CAMTA1: variants seen among roughly 807,000 people sequenced by gnomAD.
CAMTA1 encodes the protein calmodulin binding transcription activator 1.
Under a neutral mutation model 170.9 loss-of-function variants are expected in CAMTA1, and 27 were observed. That is an observed-to-expected ratio of 0.16 (90% confidence interval 0.12 to 0.22). The LOEUF is 0.22. Among genes scored for constraint, CAMTA1 ranks in the 10% least tolerant of loss-of-function variants. The probability of loss-of-function intolerance (pLI) is 1.00; values close to 1 mark genes in which losing one functional copy is unlikely to be tolerated. For synonymous variants in CAMTA1, 833 were observed against 891.5 expected, an observed-to-expected ratio of 0.93 and a Z score of 1.17; for missense variants, 1,619 against 2,217.2, an observed-to-expected ratio of 0.73 and a Z score of 5.42.
intron 3 of CAMTA1, among the ~76,000 whole-genome samples, chr1:6,976,969 T>C (rs1693546189): frequency 6.6e-6 from 1 of 152,222 alleles, no homozygotes; most frequent in South Asian, 2.1e-4. Context: ...CCTGCTGCCA[T>C]GTAAGACATG....
chr1:7,066,926 A>G (rs1365913413), intron 3 of CAMTA1, among the ~76,000 whole-genome samples: 1 of 152,230 alleles, frequency 6.6e-6, no homozygotes, highest in Non-Finnish European at 1.5e-5. Flanking sequence ...GCTATTTTAC[A>G]TTGGCTTGAT....
intron 3 of CAMTA1, among the ~76,000 whole-genome samples, chr1:6,895,613 G>C (rs1246181840): frequency 6.6e-6 from 1 of 152,218 alleles, no homozygotes; most frequent in Non-Finnish European, 1.5e-5. Context: ...TTCCTACCAG[G>C]TGCCTCTTCC....
Position 6,871,947 on chromosome 1 carries a change from C to T in CAMTA1, c.234+46737C>T, listed in dbSNP as rs1469323024. 5 of 1,291,910 alleles carry T rather than the reference C, an allele frequency of 3.9e-6. No individual in the cohort carries two copies. The African/African-American group carries it at 4.6e-5, about 12-fold the overall frequency. The allele number at this position is 1,291,910 out of a possible 1,614,324, so 80.0% of individuals were successfully genotyped here. ...ACGCTGATTTCCTCAAATAGAGATA[C>T]CCCTTTGAGTGATAAATTTGCAAAA... On this transcript the variant is annotated intron_variant, in intron 3 of 22. Coordinates refer to ENST00000303635, the MANE Select transcript of CAMTA1 (RefSeq NM_015215.4).
At chr1:7,047,509 T>C (rs1231929714) in intron 3 of CAMTA1, among the ~76,000 whole-genome samples, 3 of 152,146 alleles carry the variant, frequency 2.0e-5, no homozygotes, top group Admixed American at 6.5e-5. Context: ...CGCTTACCTT[T>C]CTTTCTCTCT....
intron 3 of CAMTA1, among the ~76,000 whole-genome samples, chr1:6,985,489 T>C (rs1323856887): frequency 3.3e-5 from 5 of 152,280 alleles, no homozygotes; most frequent in Non-Finnish European, 5.9e-5. Context: ...AACCATTATA[T>C]CACCCTACTT....
In CAMTA1 at chr1:7,642,778, C is replaced by A. The variant is rs1203077496; in HGVS notation, c.664+2225C>A. Among the ~76,000 whole-genome samples, 1 of 152,130 alleles carries A rather than the reference C, an allele frequency of 6.6e-6. No individual in the cohort carries two copies. Among genetic ancestry groups the A allele is most frequent in the Non-Finnish European group, 1.5e-5 (1 of 68,020 alleles). On this transcript the variant is annotated intron_variant, in intron 7 of 22. Coordinates refer to ENST00000303635, the MANE Select transcript of CAMTA1 (RefSeq NM_015215.4). The surrounding 1 kb of genome is among the most constrained non-coding windows in gnomAD (Gnocchi z 6.3). The stretch of plus-strand genomic sequence containing the variant: ...GCCCCACCCTCTCTGCACCCCAGTA[C>A]CCCTTCTATAAAGGGGTAGCAAGAA...
chr1:7,181,627 A>G (rs984233841), intron 4 of CAMTA1, among the ~76,000 whole-genome samples: 2 of 152,212 alleles, frequency 1.3e-5, no homozygotes, highest in Admixed American at 6.5e-5. Flanking sequence ...AATAGCAACA[A>G]AGAAGATACT....
chr1:6,911,662 C>T (rs910838009), intron 3 of CAMTA1, among the ~76,000 whole-genome samples: 3 of 152,294 alleles, frequency 2.0e-5, no homozygotes, highest in East Asian at 1.9e-4. Flanking sequence ...CCAGATCCAC[C>T]CCTCCCTTTA....
At chr1:7,047,902 GT>G (rs1705668108) in intron 3 of CAMTA1, among the ~76,000 whole-genome samples, 1 of 152,090 alleles carries the variant, frequency 6.6e-6, no homozygotes. Flanking sequence ...GGTGGGTTCT[GT>G]ATAAACCCTG....
Position 7,732,770 on chromosome 1 carries a change from G to A in CAMTA1, c.3066+171G>A, listed in dbSNP as rs538733316. On this transcript the variant is annotated intron_variant, in intron 12 of 22. Coordinates refer to ENST00000303635, the MANE Select transcript of CAMTA1 (RefSeq NM_015215.4). The surrounding 1 kb of genome is among the most constrained non-coding windows in gnomAD (Gnocchi z 4.1). ...TGTGCTTTTAAGCATTATAATCTGT[G>A]CAGTATGGAAGAAGCCTTGGAATGT... 4.9e-4 allele frequency among the ~76,000 whole-genome samples: 75 copies of A among 152,326 alleles called. No individual in the cohort carries two copies. The highest frequency in any genetic ancestry group is 3.4e-3 in the Middle Eastern group (1 of 294).
intron 5 of CAMTA1, among the ~76,000 whole-genome samples, chr1:7,264,159 T>C (rs1668566239): frequency 6.6e-6 from 1 of 152,170 alleles, no homozygotes; most frequent in South Asian, 2.1e-4. Flanking sequence ...AAAGCATTCC[T>C]CAAACTTTCA....
chr1:7,492,610 C>T (rs1045981137), intron 6 of CAMTA1, among the ~76,000 whole-genome samples: 2 of 108,574 alleles, frequency 1.8e-5, no homozygotes, highest in Admixed American at 1.9e-4. Flanking sequence ...CACACACACA[C>T]ACAAATGTAC....
At chr1:6,878,206 T>TA (rs1670479590) in intron 3 of CAMTA1, among the ~76,000 whole-genome samples, 1 of 152,206 alleles carries the variant, frequency 6.6e-6, no homozygotes, top group Non-Finnish European at 1.5e-5. Context: ...TAGGTTGTCT[T>TA]ATAAACTAAC....
intron 5 of CAMTA1, among the ~76,000 whole-genome samples, chr1:7,310,681 TCTCTCTCTCTCTCTCTCTCTCTTTCTTTC>T (rs1676496387): frequency 2.8e-5 from 1 of 36,098 alleles, no homozygotes; most frequent in African/African-American, 2.0e-4. Flanking sequence ...CCTTTCTTTC[TCTCTCTCTCTCTCTCTCTCTCTTTCTTTC>T]TTTCTTTCTT....
chr1:7,292,221 A>T (rs1012672546), intron 5 of CAMTA1, among the ~76,000 whole-genome samples: 1 of 152,134 alleles, frequency 6.6e-6, no homozygotes, highest in African/African-American at 2.4e-5. Context: ...CTGGGATGTG[A>T]GCTAGAGGGA....
chr1:7,254,700 G>T (rs1285283960), intron 5 of CAMTA1, among the ~76,000 whole-genome samples: 1 of 152,196 alleles, frequency 6.6e-6, no homozygotes, highest in African/African-American at 2.4e-5. Context: ...AAATAGGAAT[G>T]ATATTGTAGT....
intron 3 of CAMTA1, among the ~76,000 whole-genome samples, chr1:6,917,855 G>T (rs966411524): frequency 6.8e-6 from 1 of 146,490 alleles, no homozygotes; most frequent in Non-Finnish European, 1.5e-5. Flanking sequence ...CGGGGGCGGG[G>T]GGGGACATCT....
At chr1:6,990,425 T>G (rs1346788594) in intron 3 of CAMTA1, among the ~76,000 whole-genome samples, 1 of 152,220 alleles carries the variant, frequency 6.6e-6, no homozygotes, top group African/African-American at 2.4e-5. Context: ...AATTCATCAA[T>G]CCATCTTGGT....
intron 4 of CAMTA1, among the ~76,000 whole-genome samples, chr1:7,175,917 G>C (rs1341925715): frequency 1.3e-5 from 2 of 152,204 alleles, no homozygotes; most frequent in African/African-American, 4.8e-5. Flanking sequence ...TATTTTCATG[G>C]TCATTGATCT....
Sources: allele counts gnomAD v4.1 joint callset (sites outside exome capture counted in the v4.1 genomes callset), GRCh38; gene constraint gnomAD v4.1.1; non-coding constraint Gnocchi (gnomAD v3.1); transcripts MANE v1.5; gene names NCBI Gene and HGNC (gene_info 2026-07-23, HGNC 2026-07-21).